SUCLG1: variants seen among roughly 807,000 people sequenced by gnomAD.
The protein encoded by SUCLG1 is succinate--CoA ligase [ADP/GDP-forming] subunit alpha, mitochondrial.
Under a neutral mutation model 37.3 loss-of-function variants are expected in SUCLG1, and 26 were observed. The observed-to-expected ratio is 0.70, with a 90% CI of 0.51 to 0.97. SUCLG1 has a LOEUF of 0.97. Among genes scored for constraint, SUCLG1 ranks in the 50% least tolerant of loss-of-function variants. The pLI is 0.00. For missense variants in SUCLG1, 433 were observed against 432.9 expected, an observed-to-expected ratio of 1.00 and a Z score of 0.00; for synonymous variants, 163 against 155.6, an observed-to-expected ratio of 1.05 and a Z score of -0.36.
chr2:84,447,761 C>T (rs1272121108), intron 2 of SUCLG1, among the ~76,000 whole-genome samples: 1 of 152,006 alleles, frequency 6.6e-6, no homozygotes, highest in African/African-American at 2.4e-5. Context: ...GACAGGGTCT[C>T]ACTCTGTCAC....
chr2:84,435,890 G>A (rs147953800), intron 5 of SUCLG1, among the ~76,000 whole-genome samples: 4 of 152,264 alleles, frequency 2.6e-5, no homozygotes, highest in Admixed American at 2.0e-4. Context: ...TGCCACTACT[G>A]TTTTCCAGGA....
chr2:84,450,155 C>T (rs1187940916), intron 1 of SUCLG1, among the ~76,000 whole-genome samples: 1 of 152,180 alleles, frequency 6.6e-6, no homozygotes, highest in Non-Finnish European at 1.5e-5. Flanking sequence ...CGTTTCCCCA[C>T]TTGACCCAAA....
At chr2:84,434,933 C>T (rs992946857) in intron 5 of SUCLG1, among the ~76,000 whole-genome samples, 1 of 152,170 alleles carries the variant, frequency 6.6e-6, no homozygotes, top group Non-Finnish European at 1.5e-5. Flanking sequence ...ATGGTGTGTA[C>T]GTAACTTAGT....
intron 5 of SUCLG1, among the ~76,000 whole-genome samples, chr2:84,438,351 T>A (rs768957964): frequency 2.6e-5 from 4 of 152,156 alleles, no homozygotes; most frequent in African/African-American, 4.8e-5. Context: ...AAACTGTCTA[T>A]CATAAGAGAA....
At position 84,423,631 on chromosome 2, in the gene SUCLG1, G is replaced by T; in HGVS notation, c.*115C>A. 9.3e-7 allele frequency: 1 copy of T among 1,080,492 alleles called. No individual in the cohort carries two copies. The highest frequency in any genetic ancestry group is 1.4e-6 in the Non-Finnish European group (1 of 717,234). The allele number at this position is 1,080,492 out of a possible 1,614,324, so 66.9% of individuals were successfully genotyped here. A position where few individuals can be genotyped will look rare whatever the true frequency, so the allele number is the denominator to read the frequency against. On this transcript the variant is annotated 3_prime_UTR_variant, in exon 9 of 9. Coordinates refer to ENST00000393868, the MANE Select transcript of SUCLG1 (RefSeq NM_003849.4). ...CCTTGTTTTGGCTTCCAGTTGTACT[G>T]CAAGACCAGTGTCAGGCACATAGGC...
At chr2:84,445,075 G>A (rs1672829662) in intron 2 of SUCLG1, among the ~76,000 whole-genome samples, 1 of 152,106 alleles carries the variant, frequency 6.6e-6, no homozygotes. Flanking sequence ...AAAGATGATG[G>A]GACTAAGAGA....
chr2:84,433,528 C>T (rs941217869), intron 5 of SUCLG1, 93 bp from the exon 6 acceptor site: 40 of 996,690 alleles, frequency 4.0e-5, no homozygotes, highest in Admixed American at 2.3e-4. Context: ...GAGTGACTAA[C>T]ATAGGTATAA....
chr2:84,429,269 C>T (rs1672581006), intron 7 of SUCLG1, among the ~76,000 whole-genome samples: 1 of 152,074 alleles, frequency 6.6e-6, no homozygotes, highest in African/African-American at 2.4e-5. Context: ...TCATTTTTCC[C>T]ACTAAATACT....
At chr2:84,453,031 T>C (rs963548385) in intron 1 of SUCLG1, among the ~76,000 whole-genome samples, 8 of 152,232 alleles carry the variant, frequency 5.3e-5, no homozygotes, top group Non-Finnish European at 1.2e-4. Flanking sequence ...AGAGACTGCA[T>C]GGAAGTTCGG....
At chr2:84,451,297 TCATAC>T (rs1460387416) in intron 1 of SUCLG1, among the ~76,000 whole-genome samples, 2 of 151,856 alleles carry the variant, frequency 1.3e-5, no homozygotes, top group African/African-American at 2.4e-5. Context: ...TCATATCATA[TCATAC>T]CATATGTTTT....
rs903105448 is a variant in SUCLG1, at chr2:84,459,237, G to C, written c.33C>G (p.Ile11Met). Residue 11 changes from isoleucine to methionine, a missense_variant, in exon 1 of 9, where the codon ATC becomes ATG. By Grantham distance (10) the Ile-to-Met change is conservative. Transcript: ENST00000393868. Reference sequence around the variant, plus strand: ...CGCTGCTGCCGGAGACCATGGTAGCGATGTCAGCGGCAGCGGCAAGGGTTG... The same window carrying C: ...CGCTGCTGCCGGAGACCATGGTAGCCATGTCAGCGGCAGCGGCAAGGGTTG... MTATLAAAAD[I>M]ATMVSGSSGL... is the part of the protein sequence containing the mutation. The C allele has an allele frequency of 3.9e-6, 6 of 1,550,542 alleles. No individual in the cohort carries two copies. The African/African-American group carries it at 5.5e-5, about 14-fold the overall frequency.
chr2:84,435,350 T>C (rs1672672440), intron 5 of SUCLG1, among the ~76,000 whole-genome samples: 1 of 152,222 alleles, frequency 6.6e-6, no homozygotes, highest in African/African-American at 2.4e-5. Flanking sequence ...TATTTCCTAC[T>C]GCCCTCATTA....
chr2:84,428,025 C>A (rs1251506950), intron 7 of SUCLG1, among the ~76,000 whole-genome samples: 1 of 152,192 alleles, frequency 6.6e-6, no homozygotes, highest in East Asian at 1.9e-4. Context: ...CAAGGAGCTA[C>A]ATGGTCAGAC....
intron 7 of SUCLG1, 33 bp from the exon 8 acceptor site, chr2:84,425,636 T>C: frequency 3.1e-6 from 5 of 1,612,592 alleles, no homozygotes; most frequent in Non-Finnish European, 4.2e-6. Flanking sequence ...AATGCTCTAA[T>C]GAAGAAGTCA....
intron 7 of SUCLG1, chr2:84,425,851 C>G (rs1259097813): frequency 9.5e-6 from 5 of 527,200 alleles, no homozygotes; most frequent in Non-Finnish European, 1.7e-5. Flanking sequence ...TATAAAACTT[C>G]CACTTCACAA....
Position 84,423,691 on chromosome 2 carries a change from C to G in SUCLG1, c.*55G>C, listed in dbSNP as rs80166442. ...AGTGGACAACAGAAGCAAACTGCTG[C>G]TGGGTTACATGTCTACGTGATCCAT... On this transcript the variant is annotated 3_prime_UTR_variant, in exon 9 of 9. Coordinates refer to ENST00000393868, the MANE Select transcript of SUCLG1 (RefSeq NM_003849.4). 2,634 of 1,546,504 alleles carry G rather than the reference C, an allele frequency of 1.7e-3. 44 individuals are homozygous for G. In the African/African-American group the frequency reaches 0.033, roughly 19 times the overall value.
At chr2:84,427,787 T>A (rs76085352) in intron 7 of SUCLG1, among the ~76,000 whole-genome samples, 1,623 of 152,348 alleles carry the variant, frequency 0.011, 43 homozygotes, top group African/African-American at 0.037. Flanking sequence ...AAAGGGCAGC[T>A]AGTTCAGCTC....
intron 1 of SUCLG1, among the ~76,000 whole-genome samples, chr2:84,455,324 G>C (rs1425244325): frequency 6.6e-6 from 1 of 151,936 alleles, no homozygotes. Context: ...GAGAAACCCC[G>C]TCTCTACTAA....
At chr2:84,455,801 A>T (rs1673010369) in intron 1 of SUCLG1, among the ~76,000 whole-genome samples, 1 of 148,184 alleles carries the variant, frequency 6.7e-6, no homozygotes, top group Admixed American at 6.9e-5. Context: ...ACGCCACTGC[A>T]CTCCAGCCTG....
Sources: gnomAD v4.1 joint callset for allele counts (sites outside exome capture counted in the v4.1 genomes callset) on GRCh38, gnomAD v4.1.1 for gene constraint, MANE v1.5 for transcripts, NCBI Gene and HGNC (gene_info 2026-07-23, HGNC 2026-07-21) for gene names.